Variants in GLIPR1L2 observed in about 807,000 individuals in gnomAD.
GLIPR1L2 encodes GLIPR1 like 2, also known as GLIPR1-like protein 2.
In GLIPR1L2, 21 loss-of-function variants were observed where a neutral mutation model predicts 28.4. The observed-to-expected ratio is 0.74, with a 90% CI of 0.52 to 1.06. The LOEUF (loss-of-function observed/expected upper bound fraction) is 1.06. Among genes scored for constraint, GLIPR1L2 ranks in the 50% least tolerant of loss-of-function variants. The pLI, the probability that GLIPR1L2 is intolerant of heterozygous loss-of-function variation, is 0.00. For synonymous variants in GLIPR1L2, 145 were observed against 139.3 expected (o/e 1.04, Z -0.29); for missense variants, 476 against 416.9 (o/e 1.14, Z -1.23).
At chr12:75,407,497 A>G (rs1052646086) in intron 1 of GLIPR1L2, among the ~76,000 whole-genome samples, 2 of 152,146 alleles carry the variant, frequency 1.3e-5, no homozygotes, top group African/African-American at 4.8e-5. Flanking sequence ...TTAAGAAATA[A>G]CAGAAGCAAA....
chr12:75,429,791 G>A (rs2046071741), intron 4 of GLIPR1L2, among the ~76,000 whole-genome samples: 1 of 151,990 alleles, frequency 6.6e-6, no homozygotes, highest in Non-Finnish European at 1.5e-5. Flanking sequence ...GTGTTCGGCA[G>A]TTCTCCCCTC....
chr12:75,409,513 TAAC>T (rs1221805839), intron 1 of GLIPR1L2, among the ~76,000 whole-genome samples: 1 of 150,632 alleles, frequency 6.6e-6, no homozygotes. Flanking sequence ...CCTTATTTGT[TAAC>T]ACTCACCAAC....
chr12:75,429,938 C>CTTTTTTTTTT (rs34354324), intron 4 of GLIPR1L2, among the ~76,000 whole-genome samples: 8 of 128,654 alleles, frequency 6.2e-5, no homozygotes, highest in African/African-American at 1.2e-4. Context: ...TCTTTTCTTT[C>CTTTTTTTTTT]TTTTTTTTTT....
intron 1 of GLIPR1L2, among the ~76,000 whole-genome samples, chr12:75,409,124 C>G (rs10879909): frequency 6.6e-6 from 1 of 151,640 alleles, no homozygotes; most frequent in East Asian, 1.9e-4. Context: ...ATGAATTCTT[C>G]TGCGATTTTT....
Position 75,431,036 on chromosome 12 carries a change from GA to G in GLIPR1L2, c.911del (p.Glu304GlyfsTer14). 4 of 1,513,590 alleles carry G rather than the reference GA, an allele frequency of 2.6e-6. No individual in the cohort carries two copies. In the South Asian group the frequency reaches 4.8e-5, roughly 18 times the overall value. 93.8% of individuals were successfully genotyped at this position (1,513,590 alleles called of 1,614,324 possible). On this transcript the variant is annotated frameshift_variant, in exon 6 of 6. Transcript: ENST00000550916. LOFTEE classifies it low-confidence loss of function (END_TRUNC). ...AGCAGGGAATGAAGAGGAGGAAAAA[GA>G]GGAAGAGAAGAAAGAGAAAGAGGAA... The part of the protein sequence containing the change: ...SEAGNEEEEK[E>X]EEKKEKEEME...
chr12:75,415,705 C>T (rs1484032683), intron 3 of GLIPR1L2, among the ~76,000 whole-genome samples: 1 of 152,106 alleles, frequency 6.6e-6, no homozygotes, highest in African/African-American at 2.4e-5. Flanking sequence ...TGTTTTCTTG[C>T]TGGCTCTGAG....
At chr12:75,422,559 C>T (rs1364960614) in intron 3 of GLIPR1L2, among the ~76,000 whole-genome samples, 1 of 152,198 alleles carries the variant, frequency 6.6e-6, no homozygotes, top group African/African-American at 2.4e-5. Context: ...GCCTCAGCCT[C>T]CCAAAGTGCT....
At chr12:75,423,075 A>C (rs2045995336) in intron 4 of GLIPR1L2, 86 bp downstream of exon 4, 1 of 1,600,356 alleles carries the variant, frequency 6.2e-7, no homozygotes, top group East Asian at 2.2e-5. Context: ...TTTTATGGTC[A>C]TGTTAATATT....
intron 1 of GLIPR1L2, among the ~76,000 whole-genome samples, chr12:75,409,557 G>A (rs1280305430): frequency 1.9e-5 from 2 of 103,596 alleles, no homozygotes; most frequent in African/African-American, 6.1e-5. Flanking sequence ...TTTTTTTTGG[G>A]TGTGTGTGTA....
chr12:75,391,683 C>T, intron 1 of GLIPR1L2: 1 of 515,830 alleles, frequency 1.9e-6, no homozygotes, highest in South Asian at 1.9e-5. Flanking sequence ...ATATCAATAT[C>T]AAGGGTAAAG....
At chr12:75,410,846 T>C (rs945701486) in intron 2 of GLIPR1L2, among the ~76,000 whole-genome samples, 167 bp downstream of exon 2, 1 of 151,808 alleles carries the variant, frequency 6.6e-6, no homozygotes, top group Non-Finnish European at 1.5e-5. Flanking sequence ...TACCATCCCA[T>C]CTTTTATATG....
At chr12:75,426,643 G>A (rs935506242) in intron 4 of GLIPR1L2, among the ~76,000 whole-genome samples, 3 of 152,126 alleles carry the variant, frequency 2.0e-5, no homozygotes, top group Non-Finnish European at 4.4e-5. Flanking sequence ...ATACAAAATT[G>A]ACTTCACACT....
intron 1 of GLIPR1L2, among the ~76,000 whole-genome samples, chr12:75,398,799 C>A (rs1261923187): frequency 3.9e-5 from 6 of 152,198 alleles, no homozygotes; most frequent in Non-Finnish European, 7.4e-5. Flanking sequence ...TGTTCCCTTT[C>A]TCCATCCCCA....
chr12:75,429,633 T>G (rs2046069963), intron 4 of GLIPR1L2, among the ~76,000 whole-genome samples: 1 of 152,166 alleles, frequency 6.6e-6, no homozygotes, highest in Non-Finnish European at 1.5e-5. Flanking sequence ...GGTTTGGCTC[T>G]GTGTTCCCAC....
At chr12:75,421,898 A>G (rs1319121215) in intron 3 of GLIPR1L2, among the ~76,000 whole-genome samples, 3 of 152,172 alleles carry the variant, frequency 2.0e-5, no homozygotes, top group African/African-American at 2.4e-5. Context: ...TACTTAATAT[A>G]TCATTTCTAT....
chr12:75,428,104 G>T (rs2046052936), intron 4 of GLIPR1L2, among the ~76,000 whole-genome samples: 1 of 152,184 alleles, frequency 6.6e-6, no homozygotes, highest in Admixed American at 6.5e-5. Flanking sequence ...GAAGAAGACA[G>T]GAAGATGTGG....
chr12:75,405,250 A>G (rs748132360), intron 1 of GLIPR1L2, among the ~76,000 whole-genome samples: 2 of 152,236 alleles, frequency 1.3e-5, no homozygotes, highest in Admixed American at 1.3e-4. Context: ...AATTTAGGAC[A>G]ATATATGTGG....
chr12:75,403,624 T>G (rs191686563), intron 1 of GLIPR1L2, among the ~76,000 whole-genome samples: 169 of 152,274 alleles, frequency 1.1e-3, no homozygotes, highest in African/African-American at 3.9e-3. Context: ...ACTTCAAATC[T>G]CTGCACACTG....
At chr12:75,395,058 A>T (rs1040457418) in intron 1 of GLIPR1L2, among the ~76,000 whole-genome samples, 8 of 151,988 alleles carry the variant, frequency 5.3e-5, no homozygotes, top group Non-Finnish European at 5.9e-5. Flanking sequence ...TAACATATTG[A>T]AAAGCAACTA....
Sources: allele counts gnomAD v4.1 joint callset (sites outside exome capture counted in the v4.1 genomes callset), GRCh38; gene constraint gnomAD v4.1.1; transcripts MANE v1.5; gene names NCBI Gene and HGNC (gene_info 2026-07-23, HGNC 2026-07-21).